Variants in TCAF1 observed in about 807,000 individuals in gnomAD.
The protein encoded by TCAF1 is TRPM8 channel-associated factor 1.
A neutral mutation model predicts 27.3 loss-of-function variants in TCAF1; 4 were observed. That is an observed-to-expected ratio of 0.15 (90% CI 0.07 to 0.34). The LOEUF (loss-of-function observed/expected upper bound fraction) is 0.34, where lower values mean the gene tolerates loss of function less well. Among genes scored for constraint, TCAF1 ranks in the 10% least tolerant of loss-of-function variants. The pLI, the probability that TCAF1 is intolerant of heterozygous loss-of-function variation, is 1.00. For missense variants in TCAF1, 257 were observed against 425.8 expected, an observed-to-expected ratio of 0.60 and a Z score of 3.49; for synonymous variants, 105 against 167.1, an observed-to-expected ratio of 0.63 and a Z score of 2.87.
At chr7:143,883,487 T>C (rs1006284685) in intron 1 of TCAF1, among the ~76,000 whole-genome samples, 23 of 149,570 alleles carry the variant, frequency 1.5e-4, no homozygotes, top group Non-Finnish European at 1.2e-4. Context: ...TCGCATTTCT[T>C]TCTTTCCTTT....
chr7:143,899,702 T>G (rs1208882187), intron 1 of TCAF1, among the ~76,000 whole-genome samples: 1 of 151,974 alleles, frequency 6.6e-6, no homozygotes, highest in Admixed American at 6.6e-5. Flanking sequence ...AAAGAAAACC[T>G]CAAAAGCAAA....
intron 1 of TCAF1, chr7:143,884,944 GAA>G (rs1486530122): frequency 1.0e-6 from 1 of 956,840 alleles, no homozygotes; most frequent in African/African-American, 1.8e-5. Flanking sequence ...AGCTGAAATA[GAA>G]ACAGCAATGG....
intron 1 of TCAF1, among the ~76,000 whole-genome samples, chr7:143,895,375 G>C (rs977491066): frequency 6.6e-6 from 1 of 151,688 alleles, no homozygotes; most frequent in African/African-American, 2.4e-5. Flanking sequence ...GAATCTCATC[G>C]ACCTAAAACT....
At chr7:143,890,734 A>G (rs1010187506) in intron 1 of TCAF1, among the ~76,000 whole-genome samples, 1 of 152,230 alleles carries the variant, frequency 6.6e-6, no homozygotes, top group Non-Finnish European at 1.5e-5. Context: ...GTTCAAGACT[A>G]TCAAACCAGG....
chr7:143,897,730 C>A (rs1424106692), intron 1 of TCAF1, among the ~76,000 whole-genome samples: 1 of 152,014 alleles, frequency 6.6e-6, no homozygotes, highest in Non-Finnish European at 1.5e-5. Flanking sequence ...GTACTATAAT[C>A]ATTAAAATCT....
intron 1 of TCAF1, among the ~76,000 whole-genome samples, chr7:143,898,010 A>G (rs1813964934): frequency 6.6e-6 from 1 of 152,166 alleles, no homozygotes; most frequent in African/African-American, 2.4e-5. Flanking sequence ...CTACATATTT[A>G]CCACAAAAGG....
chr7:143,895,493 G>A (rs527549306), intron 1 of TCAF1, among the ~76,000 whole-genome samples: 2 of 151,774 alleles, frequency 1.3e-5, no homozygotes, highest in Non-Finnish European at 3.0e-5. Flanking sequence ...ATTTTTGAGA[G>A]TGAAAATTAC....
Position 143,876,328 on chromosome 7 carries a change from A to C in TCAF1, c.281T>G (p.Val94Gly). 9.3e-6 allele frequency: 15 copies of C among 1,614,222 alleles called. No individual in the cohort carries two copies. The highest frequency in any genetic ancestry group is 1.1e-5 in the Non-Finnish European group (13 of 1,180,038). ...LCSSPGAPIG[V>G]HPSLAPLAKI... ...GGCCAAAGGTGCCAGGGATGGGTGT[A>C]CACCAATGGGAGCCCCAGGGGAAGA... is the stretch of plus-strand genomic sequence containing the variant. Residue 94 changes from valine to glycine, a missense_variant, in exon 2 of 9, where the codon GTA becomes GGA. Transcript: ENST00000479870.
chr7:143,898,099 GA>G (rs543583438), intron 1 of TCAF1, among the ~76,000 whole-genome samples: 63 of 151,652 alleles, frequency 4.2e-4, no homozygotes, highest in African/African-American at 1.5e-3. Flanking sequence ...ATAGTTAAAG[GA>G]AAAAAAGTAT....
chr7:143,868,984 G>T, intron 2 of TCAF1, among the ~76,000 whole-genome samples: 1 of 80,852 alleles, frequency 1.2e-5, no homozygotes, highest in African/African-American at 3.9e-5. Context: ...TGAATTATAT[G>T]GTTTTTATTT....
At chr7:143,874,626 G>C (rs1164914664) in intron 2 of TCAF1, among the ~76,000 whole-genome samples, 1 of 150,888 alleles carries the variant, frequency 6.6e-6, no homozygotes, top group Non-Finnish European at 1.5e-5. Flanking sequence ...TGTCCTACAA[G>C]GGACAGTAGG....
intron 2 of TCAF1, among the ~76,000 whole-genome samples, chr7:143,867,035 A>AT (rs1812202891): frequency 1.5e-5 from 1 of 68,244 alleles, no homozygotes. Context: ...AATTTTAGCC[A>AT]TTTTTATGGG....
intron 1 of TCAF1, among the ~76,000 whole-genome samples, chr7:143,877,028 G>C (rs982711788): frequency 6.6e-6 from 1 of 152,216 alleles, no homozygotes; most frequent in African/African-American, 2.4e-5. Context: ...TGATGTCCTT[G>C]TAAGAGGACA....
intron 1 of TCAF1, among the ~76,000 whole-genome samples, chr7:143,877,938 T>C (rs1349503763): frequency 6.6e-6 from 1 of 152,236 alleles, no homozygotes; most frequent in Non-Finnish European, 1.5e-5. Flanking sequence ...CCTTGTCAGA[T>C]AATATGCTCA....
At chr7:143,883,225 T>C (rs986009097) in intron 1 of TCAF1, among the ~76,000 whole-genome samples, 5 of 152,254 alleles carry the variant, frequency 3.3e-5, no homozygotes, top group East Asian at 3.9e-4. Flanking sequence ...AAAATACAAA[T>C]TGTAGAAATT....
chr7:143,889,524 G>A (rs925804732), intron 1 of TCAF1, among the ~76,000 whole-genome samples: 3 of 152,180 alleles, frequency 2.0e-5, no homozygotes, highest in African/African-American at 7.2e-5. Flanking sequence ...AAACAAGTGA[G>A]ATCAAGATTC....
chr7:143,889,932 C>A (rs1264671566), intron 1 of TCAF1, among the ~76,000 whole-genome samples: 1 of 152,170 alleles, frequency 6.6e-6, no homozygotes, highest in Non-Finnish European at 1.5e-5. Flanking sequence ...CCTTAGAGTC[C>A]TGATTTGGCT....
chr7:143,891,752 A>G (rs1813644647), intron 1 of TCAF1, among the ~76,000 whole-genome samples: 1 of 152,154 alleles, frequency 6.6e-6, no homozygotes, highest in African/African-American at 2.4e-5. Context: ...AAAACATCAA[A>G]CCACAAGCTG....
chr7:143,876,683 G>C lies in TCAF1; in HGVS notation c.-14-61C>G. ...GAATGGATAAACAAAGAAACAAATA[G>C]AGCAGTTCACTCTTCCAGTAGCTGG... On this transcript the variant is annotated intron_variant, in intron 1 of 8. Transcript: ENST00000479870. The C allele has an allele frequency of 3.0e-6, 4 of 1,337,528 alleles. No individual in the cohort carries two copies. The South Asian group carries it at 8.2e-5, about 27-fold the overall frequency. The allele number at this position is 1,337,528 out of a possible 1,614,324, so 82.9% of individuals were successfully genotyped here. A position where few individuals can be genotyped will look rare whatever the true frequency, so the allele number is the denominator to read the frequency against.
Sources: allele counts gnomAD v4.1 joint callset (sites outside exome capture counted in the v4.1 genomes callset), GRCh38; gene constraint gnomAD v4.1.1; transcripts MANE v1.5; gene names NCBI Gene and HGNC (gene_info 2026-07-23, HGNC 2026-07-21).